ITGBL1: variants seen among roughly 807,000 people sequenced by gnomAD.
ITGBL1 encodes integrin beta-like protein 1.
A neutral mutation model predicts 68.5 loss-of-function variants in ITGBL1; 51 were observed. The ratio of observed to expected loss-of-function variants is 0.74; its 90% confidence interval spans 0.59 to 0.94. The LOEUF (loss-of-function observed/expected upper bound fraction) is 0.94, where lower values mean the gene tolerates loss of function less well. Among genes scored for constraint, ITGBL1 ranks in the 40% least tolerant of loss-of-function variants. The pLI is 0.00. For synonymous variants in ITGBL1, 209 were observed against 227.3 expected, an observed-to-expected ratio of 0.92 and a Z score of 0.72; for missense variants, 649 against 647.4, an observed-to-expected ratio of 1.00 and a Z score of -0.03.
intron 7 of ITGBL1, among the ~76,000 whole-genome samples, chr13:101,642,543 G>T (rs1475392375): frequency 4.6e-5 from 7 of 152,124 alleles, no homozygotes; most frequent in Admixed American, 2.0e-4. Flanking sequence ...AGTGTCTTTT[G>T]CTGTGCAGAA....
intron 2 of ITGBL1, among the ~76,000 whole-genome samples, chr13:101,514,033 G>T (rs1308564218): frequency 2.0e-5 from 3 of 151,852 alleles, no homozygotes; most frequent in Non-Finnish European, 4.4e-5. Flanking sequence ...TTGCATTATT[G>T]TGGCAATTGT....
intron 7 of ITGBL1, among the ~76,000 whole-genome samples, chr13:101,651,794 A>G (rs903869943): frequency 1.3e-5 from 2 of 151,996 alleles, no homozygotes; most frequent in East Asian, 3.9e-4. Context: ...TAGGGTTTTT[A>G]TAGTTTTGGG....
intron 2 of ITGBL1, among the ~76,000 whole-genome samples, chr13:101,489,178 C>T (rs954859678): frequency 3.3e-5 from 5 of 152,078 alleles, no homozygotes; most frequent in Admixed American, 1.3e-4. Context: ...TGTCAATCTA[C>T]GGATCCAACA....
intron 7 of ITGBL1, among the ~76,000 whole-genome samples, chr13:101,664,744 G>A (rs577165622): frequency 6.6e-6 from 1 of 152,042 alleles, no homozygotes; most frequent in African/African-American, 2.4e-5. Context: ...TGTTTGGTTG[G>A]TTTTTGTGAG....
At chr13:101,681,263 G>T (rs979526348) in intron 7 of ITGBL1, among the ~76,000 whole-genome samples, 1 of 152,076 alleles carries the variant, frequency 6.6e-6, no homozygotes, top group Non-Finnish European at 1.5e-5. Context: ...GGGAAGAAAC[G>T]TATGTGTATG....
At position 101,516,211 on chromosome 13, in the gene ITGBL1, A is replaced by G. The variant is rs578170550; in HGVS notation, c.317-51488A>G. On this transcript the variant is annotated intron_variant, in intron 2 of 10. Transcript: ENST00000376180. ...AATTATGTTTTGATATGTGTTTTTA[A>G]AACGGTTTTTCTGAAAGCAGGCTTT... 2.6e-5 allele frequency among the ~76,000 whole-genome samples: 4 copies of G among 152,274 alleles called. No homozygotes were observed. The East Asian group carries it at 7.7e-4, about 29-fold the overall frequency.
rs111862800 is a variant in ITGBL1, at chr13:101,707,678, A to T, written c.1279+776A>T. 2.0e-3 allele frequency among the ~76,000 whole-genome samples: 288 copies of T among 147,558 alleles called. 2 individuals carry two copies. Among genetic ancestry groups the T allele is most frequent in the Middle Eastern group, 0.017 (5 of 288 alleles). On this transcript the variant is annotated intron_variant, in intron 9 of 10. Coordinates refer to ENST00000376180, the MANE Select transcript of ITGBL1 (RefSeq NM_004791.3). ...AACGTGGTGAAAAATACAAAAATCTACTCTATTAAAAAAAACACAAAAAAA... is the reference window on the plus strand; with the variant it reads ...AACGTGGTGAAAAATACAAAAATCTTCTCTATTAAAAAAAACACAAAAAAA...
intron 3 of ITGBL1, among the ~76,000 whole-genome samples, chr13:101,569,270 GT>G (rs138541868): frequency 1.4e-4 from 21 of 151,238 alleles, no homozygotes; most frequent in African/African-American, 2.9e-4. Flanking sequence ...CAAATTTAGG[GT>G]TTTTTTTTAG....
At chr13:101,597,793 C>T (rs943381299) in intron 6 of ITGBL1, among the ~76,000 whole-genome samples, 1 of 152,070 alleles carries the variant, frequency 6.6e-6, no homozygotes. Flanking sequence ...ACCTCGTGAT[C>T]TTCCCTCCTC....
chr13:101,509,300 C>T (rs1023128396), intron 2 of ITGBL1, among the ~76,000 whole-genome samples: 4 of 152,080 alleles, frequency 2.6e-5, no homozygotes, highest in Non-Finnish European at 5.9e-5. Context: ...AATTCAATCA[C>T]CTCTCACTAG....
intron 7 of ITGBL1, among the ~76,000 whole-genome samples, chr13:101,599,469 T>C (rs1594917553): frequency 6.6e-6 from 1 of 151,796 alleles, no homozygotes; most frequent in Admixed American, 6.6e-5. Flanking sequence ...TTTTGACTTT[T>C]GTTGCCATTG....
intron 2 of ITGBL1, among the ~76,000 whole-genome samples, chr13:101,526,169 T>TTTTA (rs1272257145): frequency 1.4e-4 from 21 of 151,052 alleles, no homozygotes; most frequent in African/African-American, 4.1e-4. Flanking sequence ...TTTTTTTTTT[T>TTTTA]AAATACTTTA....
At chr13:101,701,393 CGTG>C (rs1317782683) in intron 8 of ITGBL1, among the ~76,000 whole-genome samples, 4 of 151,974 alleles carry the variant, frequency 2.6e-5, no homozygotes, top group Non-Finnish European at 5.9e-5. Context: ...ATTAGCTGGG[CGTG>C]GTGGCACATG....
At chr13:101,576,238 AGT>A in intron 4 of ITGBL1, among the ~76,000 whole-genome samples, 1 of 152,266 alleles carries the variant, frequency 6.6e-6, no homozygotes, top group South Asian at 2.1e-4. Context: ...CACCAATAAT[AGT>A]AGAATTTGGG....
intron 8 of ITGBL1, among the ~76,000 whole-genome samples, chr13:101,705,011 TGC>T (rs1161079542): frequency 2.0e-5 from 3 of 152,134 alleles, no homozygotes; most frequent in Non-Finnish European, 4.4e-5. Flanking sequence ...GCTGATTGAG[TGC>T]ATGTTAAAGG....
At chr13:101,588,515 A>G (rs1388284968) in intron 6 of ITGBL1, among the ~76,000 whole-genome samples, 1 of 152,184 alleles carries the variant, frequency 6.6e-6, no homozygotes, top group East Asian at 1.9e-4. Context: ...CATAAATTTG[A>G]CAAACCAGCA....
intron 9 of ITGBL1, among the ~76,000 whole-genome samples, chr13:101,709,162 G>T (rs1220276325): frequency 1.3e-5 from 2 of 151,300 alleles, no homozygotes; most frequent in African/African-American, 2.4e-5. Context: ...TCAGGAGATC[G>T]AGACCATCCT....
chr13:101,593,545 T>TA (rs2139313202), intron 6 of ITGBL1, among the ~76,000 whole-genome samples: 1 of 152,094 alleles, frequency 6.6e-6, no homozygotes, highest in Non-Finnish European at 1.5e-5. Context: ...GATGAATGGA[T>TA]AAAAAATTGT....
chr13:101,521,685 G>A (rs533972891), intron 2 of ITGBL1, among the ~76,000 whole-genome samples: 21 of 152,232 alleles, frequency 1.4e-4, no homozygotes, highest in Middle Eastern at 3.4e-3. Context: ...AGAAGGCCTT[G>A]TTCCCTGTGT....
Sources: allele counts gnomAD v4.1 joint callset (sites outside exome capture counted in the v4.1 genomes callset), GRCh38; gene constraint gnomAD v4.1.1; transcripts MANE v1.5; gene names NCBI Gene and HGNC (gene_info 2026-07-23, HGNC 2026-07-21).